RRM2: variants seen among roughly 807,000 people sequenced by gnomAD.
RRM2 encodes the protein ribonucleoside-diphosphate reductase subunit M2.
A neutral mutation model predicts 45.9 loss-of-function variants in RRM2; 6 were observed. The observed-to-expected ratio is 0.13, with a 90% CI of 0.07 to 0.26. The LOEUF is 0.26. Among genes scored for constraint, RRM2 ranks in the 10% least tolerant of loss-of-function variants. The pLI, the probability that RRM2 is intolerant of heterozygous loss-of-function variation, is 1.00. For missense variants in RRM2, 343 were observed against 489.5 expected (o/e 0.70, Z 2.82); for synonymous variants, 177 against 173.0 (o/e 1.02, Z -0.18).
chr2:10,154,609 A>AAGG, intron 3 of RRM2, among the ~76,000 whole-genome samples: 1 of 151,946 alleles, frequency 6.6e-6, no homozygotes, highest in East Asian at 1.9e-4. Context: ...GGTGGGAAGA[A>AAGG]AGGAGGAGGA....
At chr2:10,180,939 G>A (rs1457204053) in intron 3 of RRM2, among the ~76,000 whole-genome samples, 5 of 151,974 alleles carry the variant, frequency 3.3e-5, no homozygotes, top group African/African-American at 1.2e-4. Context: ...GCTGATTTTT[G>A]TATTTTTAGT....
chr2:10,142,233 G>T (rs747134522), intron 2 of RRM2: 3 of 1,520,792 alleles, frequency 2.0e-6, no homozygotes, highest in Non-Finnish European at 2.7e-6. Flanking sequence ...CCCAGGTAAA[G>T]AGTCTGGATT....
rs919918099 is a variant in RRM2 at position 10,157,233 on chromosome 2, T to C, written n.482+14858T>C. ...TTAGTAGAGACGGGGTTTCACCATGTTGGCCAGACTGGTCTTGAACTCCTG... is the reference window on the plus strand; with the variant it reads ...TTAGTAGAGACGGGGTTTCACCATGCTGGCCAGACTGGTCTTGAACTCCTG... On this transcript the variant is annotated intron_variant and non_coding_transcript_variant, in intron 3 of 3. Transcript: ENST00000381786. 7.9e-5 allele frequency among the ~76,000 whole-genome samples: 12 copies of C among 152,254 alleles called. No individual in the cohort carries two copies. In the South Asian group the frequency reaches 2.5e-3, roughly 32 times the overall value.
chr2:10,176,968 G>A lies in RRM2; in HGVS notation n.483-33343G>A, dbSNP rs186403629. ...TCTTTAAAATAGTACTGATTGAGCC[G>A]GGTACAGTGGCTCATGCCGGTAATC... On this transcript the variant is annotated intron_variant and non_coding_transcript_variant, in intron 3 of 3. Coordinates refer to the RRM2 transcript ENST00000381786. Among the ~76,000 whole-genome samples the A allele has an allele frequency of 2.7e-3, 417 of 152,292 alleles. 1 individual carries two copies. Among genetic ancestry groups the A allele is most frequent in the Middle Eastern group, 6.8e-3 (2 of 294 alleles).
chr2:10,164,233 A>T (rs1192477821), intron 3 of RRM2, among the ~76,000 whole-genome samples: 8 of 152,178 alleles, frequency 5.3e-5, no homozygotes, highest in Non-Finnish European at 1.2e-4. Context: ...TATGACAGAG[A>T]ACCAGCTATG....
intron 3 of RRM2, among the ~76,000 whole-genome samples, chr2:10,175,420 T>C (rs1204796357): frequency 6.6e-6 from 1 of 152,250 alleles, no homozygotes; most frequent in Non-Finnish European, 1.5e-5. Context: ...AAGTGTACAG[T>C]TCAACGTTAT....
At position 10,129,461 on chromosome 2, in the gene RRM2, C is replaced by A; in HGVS notation, c.*75C>A. The A allele has an allele frequency of 7.1e-7, 1 of 1,402,508 alleles. No individual in the cohort carries two copies. Among genetic ancestry groups the A allele is most frequent in the Non-Finnish European group, 9.8e-7 (1 of 1,021,124 alleles). The allele number at this position is 1,402,508 out of a possible 1,614,324, so 86.9% of individuals were successfully genotyped here. On this transcript the variant is annotated 3_prime_UTR_variant, in exon 10 of 10. Transcript: ENST00000304567. This position sits in a 1 kb window ranked among gnomAD's most constrained non-coding sequence, Gnocchi z 4.8. The stretch of plus-strand genomic sequence containing the variant: ...TAAGAAAAATCAGCTGAAGTGTTAC[C>A]AACTAGCCACACCATGAATTGTCCG...
At chr2:10,198,060 G>A (rs768537378) in intron 3 of RRM2, among the ~76,000 whole-genome samples, 22 of 151,758 alleles carry the variant, frequency 1.4e-4, no homozygotes, top group Middle Eastern at 3.2e-3. Context: ...CTGCAAAGGC[G>A]GAGGAAACCC....
At chr2:10,135,635 T>G (rs905162590), downstream of RRM2, among the ~76,000 whole-genome samples, 1 of 152,056 alleles carries the variant, frequency 6.6e-6, no homozygotes, top group Non-Finnish European at 1.5e-5. Context: ...GCACAGTAGA[T>G]GTAAATAAAC....
In RRM2 at chr2:10,129,412, G is replaced by A; in HGVS notation, c.*26G>A. On this transcript the variant is annotated 3_prime_UTR_variant, in exon 10 of 10. Transcript: ENST00000304567. This position sits in a 1 kb window ranked among gnomAD's most constrained non-coding sequence, Gnocchi z 4.8. ...ATGAACTGAAGATGTGCCCTTACTT[G>A]GCTGATTTTTTTTTTCCATCTCATA... is the stretch of plus-strand genomic sequence containing the variant. The A allele has an allele frequency of 6.3e-7, 1 of 1,575,606 alleles. No homozygotes were observed. The highest frequency in any genetic ancestry group is 1.2e-5 in the South Asian group (1 of 84,604).
chr2:10,142,123 A>T, intron 2 of RRM2: 1 of 1,549,120 alleles, frequency 6.5e-7, no homozygotes, highest in Non-Finnish European at 8.8e-7. Flanking sequence ...GCAAGCGCAA[A>T]GGCCCTGTGG....
intron 3 of RRM2, among the ~76,000 whole-genome samples, chr2:10,191,991 T>A (rs1394985230): frequency 6.6e-6 from 1 of 152,102 alleles, no homozygotes; most frequent in Non-Finnish European, 1.5e-5. Context: ...TCACTTGATG[T>A]AAGGCCTCAA....
In RRM2 at chr2:10,131,127, T is replaced by C. The variant is rs1662892733; in HGVS notation, c.*1741T>C. The C allele has an allele frequency of 6.6e-6, 1 of 152,234 alleles. No individual in the cohort carries two copies. The highest frequency in any genetic ancestry group is 2.1e-4 in the South Asian group (1 of 4,830). The allele number at this position is 152,234 out of a possible 1,614,324, so 9.4% of individuals were successfully genotyped here. A position where few individuals can be genotyped will look rare whatever the true frequency, so the allele number is the denominator to read the frequency against. On this transcript the variant is annotated 3_prime_UTR_variant, in exon 10 of 10. Transcript: ENST00000304567. ...CAATTTTTAAATCTCTGTAATATGA[T>C]ACATTTTCCTATCTTTTAAGTTATT...
Position 10,195,214 on chromosome 2 carries a change from G to T in RRM2, n.483-15097G>T, listed in dbSNP as rs1276786839. ...CACCGTCTGAGGGGTCATGTGACAG[G>T]TGGGCTAGGTGGGCACAGAATGGGA... On this transcript the variant is annotated intron_variant and non_coding_transcript_variant, in intron 3 of 3. Transcript: ENST00000381786. The surrounding 1 kb of genome is among the most constrained non-coding windows in gnomAD (Gnocchi z 4.9). Among the ~76,000 whole-genome samples the T allele has an allele frequency of 2.0e-5, 3 of 152,320 alleles. No individual in the cohort carries two copies. Among genetic ancestry groups the T allele is most frequent in the African/African-American group, 7.2e-5 (3 of 41,578 alleles).
chr2:10,210,667 A>G, exon 4 of RRM2: 1 of 1,303,278 alleles, frequency 7.7e-7, no homozygotes, highest in Non-Finnish European at 1.0e-6. Flanking sequence ...GGAACCCGCA[A>G]AGCCTGCAGG....
At chr2:10,193,188 G>C (rs987885084) in intron 3 of RRM2, among the ~76,000 whole-genome samples, 2 of 151,886 alleles carry the variant, frequency 1.3e-5, no homozygotes, top group Admixed American at 1.3e-4. Flanking sequence ...ATCTCGGGGG[G>C]CTGGCCTGGA....
At chr2:10,177,233 G>A (rs1663935652) in intron 3 of RRM2, among the ~76,000 whole-genome samples, 1 of 151,148 alleles carries the variant, frequency 6.6e-6, no homozygotes, top group South Asian at 2.1e-4. Context: ...GCGACAGAGC[G>A]AGATTTCGCT....
chr2:10,208,762 C>T (rs755489298), intron 3 of RRM2, among the ~76,000 whole-genome samples: 9 of 152,196 alleles, frequency 5.9e-5, no homozygotes, highest in Non-Finnish European at 8.8e-5. Flanking sequence ...AACTCATCTC[C>T]AGCCATGGCC....
chr2:10,184,154 G>A (rs1045169954), intron 3 of RRM2, among the ~76,000 whole-genome samples: 5 of 139,218 alleles, frequency 3.6e-5, no homozygotes, highest in African/African-American at 1.0e-4. Flanking sequence ...TCCTAGCCCC[G>A]GCTCCACTGC....
Sources: allele counts gnomAD v4.1 joint callset (sites outside exome capture counted in the v4.1 genomes callset), GRCh38; gene constraint gnomAD v4.1.1; non-coding constraint Gnocchi (gnomAD v3.1); transcripts MANE v1.5; gene names NCBI Gene and HGNC (gene_info 2026-07-23, HGNC 2026-07-21).